The following TCOF1 variants were observed in gnomAD, a reference collection of about 807,000 sequenced individuals.
TCOF1 encodes treacle ribosome biogenesis factor 1, also known as treacle protein.
In TCOF1, 33 loss-of-function variants were observed where a neutral mutation model predicts 149.0. That is an observed-to-expected ratio of 0.22 (90% CI 0.17 to 0.30). The LOEUF (loss-of-function observed/expected upper bound fraction) is 0.30. TCOF1 is among the 10% of genes least tolerant of loss of function. The pLI is 1.00. For synonymous variants in TCOF1, 789 were observed against 738.8 expected (o/e 1.07, Z -1.10); for missense variants, 1,728 against 1,840.7 (o/e 0.94, Z 1.12).
chr5:150,380,191 T>A, intron 17 of TCOF1: 1 of 206,506 alleles, frequency 4.8e-6, no homozygotes. Flanking sequence ...CTCCTCCGTC[T>A]GCTGTCATCC....
intron 2 of TCOF1, among the ~76,000 whole-genome samples, chr5:150,361,461 A>C (rs1760076448): frequency 6.6e-6 from 1 of 152,226 alleles, no homozygotes; most frequent in Admixed American, 6.5e-5. Flanking sequence ...TCAGTTGCTC[A>C]GCAAACGTAT....
chr5:150,372,168 G>T lies in TCOF1; in HGVS notation c.802G>T (p.Glu268Ter), dbSNP rs377241141. The T allele has an allele frequency of 6.2e-6, 10 of 1,614,090 alleles. No homozygotes were observed. Among genetic ancestry groups the T allele is most frequent in the East Asian group, 2.2e-5 (1 of 44,896 alleles). ...PPAKRAKKPE[E>*]ESESSEEGSE... ...AGCCAAGAGGGCCAAGAAGCCAGAA[G>T]AGGAGTCAGAGAGTAGTGAGGAGGG... Residue 268 changes from glutamate (E) to a stop codon, truncating the protein, a stop_gained, in exon 7 of 27, where the codon GAG becomes TAG. Coordinates refer to ENST00000643257, the MANE Select transcript of TCOF1 (RefSeq NM_001371623.1). LOFTEE classifies it high-confidence loss of function.
chr5:150,390,911 A>G (rs1448086609), intron 19 of TCOF1, among the ~76,000 whole-genome samples: 2 of 152,206 alleles, frequency 1.3e-5, no homozygotes, highest in Non-Finnish European at 2.9e-5. Context: ...ACATATAAAT[A>G]AAAAGTATTC....
At chr5:150,364,300 C>G (rs961364987) in intron 3 of TCOF1, 48 bp downstream of exon 3, 2 of 1,612,598 alleles carry the variant, frequency 1.2e-6, no homozygotes. Flanking sequence ...ATTGATTGTT[C>G]TAGGGTAGAG....
chr5:150,393,395 C>G lies in TCOF1; in HGVS notation c.3627C>G (p.Thr1209=), dbSNP rs1477584477. ...AGTCTCTCCTCTCAGGTTATATGAC[C>G]CCTGGACTAACCCCAGCCAATTCCC... ...PSQSLLSGYM[T]PGLTPANSQA... is the part of the protein sequence containing the mutation. Residue 1209 remains threonine, a synonymous_variant, in exon 23 of 27, where the codon ACC becomes ACG. Transcript: ENST00000643257. The G allele has an allele frequency of 6.2e-7, 1 of 1,613,956 alleles. No individual in the cohort carries two copies. Among genetic ancestry groups the G allele is most frequent in the African/African-American group, 1.3e-5 (1 of 74,846 alleles).
In TCOF1 at chr5:150,384,702, A is replaced by G. The variant is rs531467780; in HGVS notation, c.2860-3200A>G. 183 of 985,486 alleles carry G rather than the reference A, an allele frequency of 1.9e-4. 2 individuals are homozygous for G. In the South Asian group the frequency reaches 7.8e-3, roughly 42 times the overall value. The allele number at this position is 985,486 out of a possible 1,614,324, so 61.0% of individuals were successfully genotyped here. A position where few individuals can be genotyped will look rare whatever the true frequency, so the allele number is the denominator to read the frequency against. Reference sequence around the variant, plus strand: ...CTATTTAAAAAGCAGAAAAGAAGTCAGCGGTTTGTACATTCCCCCAGGAGG... The same window carrying G: ...CTATTTAAAAAGCAGAAAAGAAGTCGGCGGTTTGTACATTCCCCCAGGAGG... On this transcript the variant is annotated intron_variant, in intron 17 of 26. Coordinates refer to ENST00000643257, the MANE Select transcript of TCOF1 (RefSeq NM_001371623.1).
At chr5:150,378,689 T>C in intron 14 of TCOF1, 1 of 613,800 alleles carries the variant, frequency 1.6e-6, no homozygotes, top group Non-Finnish European at 2.9e-6. Flanking sequence ...TATTTAGTCT[T>C]CATCATAACC....
At chr5:150,371,490 G>A (rs529369661) in intron 6 of TCOF1, among the ~76,000 whole-genome samples, 28 of 152,300 alleles carry the variant, frequency 1.8e-4, no homozygotes, top group South Asian at 1.7e-3. Context: ...TAGAAGTAGG[G>A]CACTGACTGC....
At position 150,374,336 on chromosome 5, in the gene TCOF1, G is replaced by A. The variant is rs1284053173; in HGVS notation, c.1033G>A (p.Glu345Lys). Residue 345 changes from glutamate (E) to lysine (K), a missense_variant, in exon 8 of 27, where the codon GAG becomes AAG. Coordinates refer to ENST00000643257, the MANE Select transcript of TCOF1 (RefSeq NM_001371623.1). ...PEEDSESSSE[E>K]SSDSEEETPA... ...GGAGGACTCAGAGAGCAGCAGCGAG[G>A]AGTCATCTGACAGTGAGGAGGAGAC... The A allele has an allele frequency of 6.4e-7, 1 of 1,568,206 alleles. No individual in the cohort carries two copies.
chr5:150,391,477 CCAGGGTGTGGCA>C, intron 19 of TCOF1, 55 bp from the exon 20 acceptor site: 3 of 1,398,170 alleles, frequency 2.1e-6, no homozygotes, highest in Non-Finnish European at 3.1e-6. Flanking sequence ...CAGCATCTGA[CCAGGGTGTGGCA>C]CAGCTGGCAT....
rs531076908 is a variant in TCOF1 at position 150,398,188 on chromosome 5, C to T, written c.4346-166C>T. 9.2e-5 allele frequency among the ~76,000 whole-genome samples: 14 copies of T among 152,302 alleles called. No homozygotes were observed. The South Asian group carries it at 2.5e-3, about 27-fold the overall frequency. On this transcript the variant is annotated intron_variant, in intron 24 of 26. Transcript: ENST00000643257. ...CCACCCGCCTCAGCCTCCCAAAGTGCTGGGATTGCAGGAATGAACCTCCAC... is the reference window on the plus strand; with the variant it reads ...CCACCCGCCTCAGCCTCCCAAAGTGTTGGGATTGCAGGAATGAACCTCCAC...
intron 18 of TCOF1, among the ~76,000 whole-genome samples, chr5:150,388,883 ATGTG>A (rs1456759198): frequency 6.6e-6 from 1 of 152,202 alleles, no homozygotes; most frequent in Non-Finnish European, 1.5e-5. Flanking sequence ...GTGATCTGAG[ATGTG>A]CCACAGCACT....
At chr5:150,364,653 C>A (rs937612261) in intron 3 of TCOF1, among the ~76,000 whole-genome samples, 1 of 152,176 alleles carries the variant, frequency 6.6e-6, no homozygotes. Flanking sequence ...AATTGCTGAT[C>A]TTCATGTTCA....
intron 7 of TCOF1, among the ~76,000 whole-genome samples, chr5:150,373,456 T>G (rs1218400244): frequency 2.0e-5 from 3 of 152,182 alleles, no homozygotes; most frequent in Non-Finnish European, 2.9e-5. Context: ...ATGAGAAGCT[T>G]CTTAGAAGAT....
chr5:150,367,942 A>G (rs996068345), intron 4 of TCOF1, 25 bp downstream of exon 4: 7 of 1,613,420 alleles, frequency 4.3e-6, no homozygotes, highest in Non-Finnish European at 4.2e-6. Context: ...CTTCCAAGCT[A>G]TTGCCTATGG....
chr5:150,392,765 A>C lies in TCOF1; in HGVS notation c.3578A>C (p.Glu1193Ala). The C allele has an allele frequency of 6.2e-7, 1 of 1,614,070 alleles. No homozygotes were observed. The highest frequency in any genetic ancestry group is 1.1e-5 in the South Asian group (1 of 91,088). The change falls in exon 22 of 27, where the codon GAG becomes GCG. Residue 1193 changes from glutamate (E) to alanine (A), a missense_variant. Coordinates refer to ENST00000643257, the MANE Select transcript of TCOF1 (RefSeq NM_001371623.1). ...GAGGAGACCGCAGCAGAGTCCAGCGAGGATGATGTGGTGGCGCCATCCCAG... is the reference window on the plus strand; with the variant it reads ...GAGGAGACCGCAGCAGAGTCCAGCGCGGATGATGTGGTGGCGCCATCCCAG... The part of the protein sequence containing the change: ...LVEETAAESS[E>A]DDVVAPSQSL...
At chr5:150,368,018 C>A in intron 4 of TCOF1, 101 bp downstream of exon 4, 1 of 1,320,874 alleles carries the variant, frequency 7.6e-7, no homozygotes, top group Non-Finnish European at 1.1e-6. Context: ...GAGTAATTGC[C>A]CCACCTGGAT....
chr5:150,384,900 A>G, intron 17 of TCOF1: 1 of 985,378 alleles, frequency 1.0e-6, no homozygotes, highest in African/African-American at 1.7e-5. Flanking sequence ...CAGTGGGGAA[A>G]GGGATTGAGG....
rs1581200630 is a variant in TCOF1 at position 150,391,412 on chromosome 5, G to A, written c.3184-132G>A. ...GCTCATAACCTGAAGCCTGCCACCA[G>A]TTTTGCCCCTTTGACTGCCCCTCAG... On this transcript the variant is annotated intron_variant, in intron 19 of 26. Coordinates refer to ENST00000643257, the MANE Select transcript of TCOF1 (RefSeq NM_001371623.1). 3 of 795,584 alleles carry A rather than the reference G, an allele frequency of 3.8e-6. No homozygotes were observed. The East Asian group carries it at 7.5e-5, about 20-fold the overall frequency. 49.3% of individuals were successfully genotyped at this position (795,584 alleles called of 1,614,324 possible).
Sources: gnomAD v4.1 joint callset for allele counts (sites outside exome capture counted in the v4.1 genomes callset) on GRCh38, gnomAD v4.1.1 for gene constraint, MANE v1.5 for transcripts, NCBI Gene and HGNC (gene_info 2026-07-23, HGNC 2026-07-21) for gene names.